FASTKD1: variants seen among roughly 807,000 people sequenced by gnomAD.
FASTKD1 encodes FAST kinase domains 1.
In FASTKD1, 94 loss-of-function variants were observed where a neutral mutation model predicts 90.9. The ratio of observed to expected loss-of-function variants is 1.03; its 90% confidence interval spans 0.88 to 1.23. The LOEUF is 1.23. Ranked by LOEUF, FASTKD1 falls within the 50% of genes most tolerant of loss-of-function variation. The pLI is 0.00. For synonymous variants in FASTKD1, 319 were observed against 345.8 expected, an observed-to-expected ratio of 0.92 and a Z score of 0.86; for missense variants, 945 against 993.5, an observed-to-expected ratio of 0.95 and a Z score of 0.66.
chr2:169,568,873 G>A (rs545252983), intron 3 of FASTKD1, among the ~76,000 whole-genome samples: 2 of 151,376 alleles, frequency 1.3e-5, no homozygotes, highest in Non-Finnish European at 2.9e-5. Context: ...CATGGTGGGT[G>A]CCTATAATCC....
At chr2:169,538,993 T>C (rs7340447) in intron 10 of FASTKD1, among the ~76,000 whole-genome samples, 26,064 of 151,850 alleles carry the variant, frequency 0.17, 3,266 homozygotes, top group African/African-American at 0.35. Flanking sequence ...AGGGGCCAGG[T>C]GTGGGGGCTC....
rs773790032 is a variant in FASTKD1 at position 169,537,288 on chromosome 2, C to T, written c.2127G>A (p.Glu709=). 31 of 1,613,344 alleles carry T rather than the reference C, an allele frequency of 1.9e-5. No homozygotes were observed. The highest frequency in any genetic ancestry group is 1.6e-4 in the Middle Eastern group (1 of 6,080). Residue 709 remains glutamate (E), a synonymous_variant, in exon 12 of 15, where the codon GAG becomes GAA. Transcript: ENST00000453153. ...TQQQIFKMLA[E]VLGGINCVKA... Reference sequence around the variant, plus strand: ...TTACACAATTGATTCCTCCTAGTACCTCTGCTAACATTTTAAAAATCTGCT... The same window carrying T: ...TTACACAATTGATTCCTCCTAGTACTTCTGCTAACATTTTAAAAATCTGCT...
At chr2:169,561,170 C>T (rs897796528) in intron 4 of FASTKD1, among the ~76,000 whole-genome samples, 10 of 151,170 alleles carry the variant, frequency 6.6e-5, no homozygotes, top group Non-Finnish European at 1.2e-4. Flanking sequence ...TGGTGGCGAG[C>T]ACCTGTAATC....
In FASTKD1 at chr2:169,560,581, A is replaced by G; in HGVS notation, c.777T>C (p.Asn259=). 1 of 1,607,272 alleles carries G rather than the reference A, an allele frequency of 6.2e-7. No homozygotes were observed. The part of the protein sequence containing the change: ...LERCNNVFLS[N]VDHLDLDSIS... ...TGGAATCCAAATCAAGGTGGTCCAC[A>G]TTACTTAAAAATACGTTATTACATC... The change falls in exon 5 of 15, where the codon AAT becomes AAC. Residue 259 remains asparagine (N), a synonymous_variant. Coordinates refer to ENST00000453153, the MANE Select transcript of FASTKD1 (RefSeq NM_024622.6).
chr2:169,570,702 G>C (rs141818496), intron 2 of FASTKD1, among the ~76,000 whole-genome samples: 1 of 142,744 alleles, frequency 7.0e-6, no homozygotes, highest in Admixed American at 7.4e-5. Flanking sequence ...TGGAGACAGC[G>C]TCTCACTCTG....
At chr2:169,560,202 TAA>T (rs1234995455) in intron 5 of FASTKD1, 183 bp downstream of exon 5, 1 of 393,316 alleles carries the variant, frequency 2.5e-6, no homozygotes. Flanking sequence ...AGCAACAGAC[TAA>T]GAGTTTGAGA....
At chr2:169,553,680 G>T (rs555565286) in intron 7 of FASTKD1, among the ~76,000 whole-genome samples, 2 of 152,298 alleles carry the variant, frequency 1.3e-5, no homozygotes, top group South Asian at 4.1e-4. Context: ...CACTTTGGGA[G>T]GCTGAGGCGG....
At chr2:169,561,660 G>T (rs1683606459) in intron 4 of FASTKD1, among the ~76,000 whole-genome samples, 1 of 148,936 alleles carries the variant, frequency 6.7e-6, no homozygotes, top group Admixed American at 6.7e-5. Context: ...TTGTGAATTT[G>T]TTTATAAATT....
chr2:169,535,746 C>T (rs1684698503), intron 12 of FASTKD1, among the ~76,000 whole-genome samples: 1 of 152,186 alleles, frequency 6.6e-6, no homozygotes, highest in Admixed American at 6.6e-5. Flanking sequence ...AAAAATCACA[C>T]ACATCTATCA....
intron 12 of FASTKD1, among the ~76,000 whole-genome samples, chr2:169,533,879 T>C (rs549985700): frequency 6.6e-6 from 1 of 152,138 alleles, no homozygotes; most frequent in South Asian, 2.1e-4. Context: ...ATAATAATAG[T>C]GGGACCTTAG....
At chr2:169,555,912 T>C (rs1375317537) in intron 6 of FASTKD1, among the ~76,000 whole-genome samples, 1 of 152,168 alleles carries the variant, frequency 6.6e-6, no homozygotes, top group Non-Finnish European at 1.5e-5. Flanking sequence ...GCAGAAACTT[T>C]CCTTTTGAAA....
intron 12 of FASTKD1, among the ~76,000 whole-genome samples, chr2:169,535,964 CT>C (rs377256158): frequency 0.051 from 7,239 of 143,300 alleles, 227 homozygotes; most frequent in Non-Finnish European, 0.076. Context: ...ACTAAACATC[CT>C]TTTTTTTTTT....
rs181702628 is a variant in FASTKD1, at chr2:169,556,750, G to A, written c.1082+437C>T. On this transcript the variant is annotated intron_variant, in intron 6 of 14. Coordinates refer to ENST00000453153, the MANE Select transcript of FASTKD1 (RefSeq NM_024622.6). The stretch of plus-strand genomic sequence containing the variant: ...TGAGACAGGAGAATCGCTTGAACCC[G>A]TCTGGGGCAGAGGTTGCAGTGAGCC... Among the ~76,000 whole-genome samples, 412 of 151,966 alleles carry A rather than the reference G, an allele frequency of 2.7e-3. 2 individuals carry two copies. The highest frequency in any genetic ancestry group is 9.1e-3 in the African/African-American group (378 of 41,428).
chr2:169,572,534 T>C (rs1333333829), intron 1 of FASTKD1, among the ~76,000 whole-genome samples: 1 of 142,008 alleles, frequency 7.0e-6, no homozygotes, highest in African/African-American at 2.6e-5. Context: ...TATATATTTA[T>C]ACATACATAT....
At chr2:169,558,326 T>G (rs191667235) in intron 5 of FASTKD1, among the ~76,000 whole-genome samples, 4 of 152,290 alleles carry the variant, frequency 2.6e-5, no homozygotes, top group African/African-American at 4.8e-5. Flanking sequence ...AGGAGCATGA[T>G]AGCTCACTGC....
At chr2:169,563,553 A>C (rs1683810740) in intron 3 of FASTKD1, among the ~76,000 whole-genome samples, 1 of 152,178 alleles carries the variant, frequency 6.6e-6, no homozygotes, top group African/African-American at 2.4e-5. Context: ...AAATCACTAA[A>C]AATTATTTGA....
intron 9 of FASTKD1, among the ~76,000 whole-genome samples, chr2:169,542,652 C>G (rs959505620): frequency 2.6e-5 from 4 of 152,066 alleles, no homozygotes; most frequent in African/African-American, 9.7e-5. Flanking sequence ...ACCGCTTGAG[C>G]CCAGGCATTT....
rs573351484 is a variant in FASTKD1 at position 169,539,715 on chromosome 2, G to A, written c.1945+336C>T. 6.6e-5 allele frequency among the ~76,000 whole-genome samples: 10 copies of A among 151,882 alleles called. No homozygotes were observed. The South Asian group carries it at 2.1e-3, about 31-fold the overall frequency. On this transcript the variant is annotated intron_variant, in intron 10 of 14. Coordinates refer to ENST00000453153, the MANE Select transcript of FASTKD1 (RefSeq NM_024622.6). ...GGAGTCCAAGGCTTCAGTGAGCTATGACTGCACCACTGCACTCCAGCCTGG... is the reference window on the plus strand; with the variant it reads ...GGAGTCCAAGGCTTCAGTGAGCTATAACTGCACCACTGCACTCCAGCCTGG...
rs753110609 is a variant in FASTKD1 at position 169,546,667 on chromosome 2, C to A, written c.1252G>T (p.Val418Phe). The A allele has an allele frequency of 1.9e-6, 3 of 1,612,464 alleles. No individual in the cohort carries two copies. The East Asian group carries it at 6.7e-5, about 36-fold the overall frequency. The change falls in exon 8 of 15, where the codon GTT (valine) becomes TTT (phenylalanine). Residue 418 changes from valine (V) to phenylalanine (F), a missense_variant. Val to Phe is a conservative substitution (Grantham distance 50). Coordinates refer to ENST00000453153, the MANE Select transcript of FASTKD1 (RefSeq NM_024622.6). ...KNSFIPTEVS[V>F]LVRAISLLPS... The stretch of plus-strand genomic sequence containing the variant: ...AGCAGGGAAATAGCACGGACCAGAA[C>A]AGACACCTCAGTTGGTATGAAACTA...
Sources: gnomAD v4.1 joint callset for allele counts (sites outside exome capture counted in the v4.1 genomes callset) on GRCh38, gnomAD v4.1.1 for gene constraint, MANE v1.5 for transcripts, NCBI Gene and HGNC (gene_info 2026-07-23, HGNC 2026-07-21) for gene names.